ADAMTS9: variants seen among roughly 807,000 people sequenced by gnomAD.
ADAMTS9 encodes the protein A disintegrin and metalloproteinase with thrombospondin motifs 9.
A neutral mutation model predicts 257.1 loss-of-function variants in ADAMTS9; 107 were observed. That is an observed-to-expected ratio of 0.42 (90% CI 0.36 to 0.49). The LOEUF (loss-of-function observed/expected upper bound fraction) is 0.49, where lower values mean the gene tolerates loss of function less well. ADAMTS9 is among the 20% of genes least tolerant of loss of function. ADAMTS9 has a pLI of 0.03. For synonymous variants in ADAMTS9, 982 were observed against 880.9 expected (o/e 1.11, Z -2.03); for missense variants, 2,353 against 2,469.1 (o/e 0.95, Z 1.00).
intron 32 of ADAMTS9, among the ~76,000 whole-genome samples, chr3:64,544,785 G>A (rs938684602): frequency 4.9e-4 from 75 of 152,276 alleles, no homozygotes; most frequent in African/African-American, 1.7e-3. Context: ...AAACTAAAGA[G>A]CTTCTGCACA....
intron 28 of ADAMTS9, among the ~76,000 whole-genome samples, chr3:64,576,485 G>A (rs542248315): frequency 2.0e-5 from 3 of 152,278 alleles, no homozygotes; most frequent in East Asian, 3.9e-4. Flanking sequence ...CAGTGGCAGC[G>A]ACAACCAAAA....
chr3:64,524,686 T>C (rs996147268), intron 38 of ADAMTS9, among the ~76,000 whole-genome samples: 1 of 152,242 alleles, frequency 6.6e-6, no homozygotes, highest in African/African-American at 2.4e-5. Flanking sequence ...AAATATACCA[T>C]TGATTTTGCC....
chr3:64,550,406 CCT>C (rs2083256272), intron 31 of ADAMTS9: 1 of 152,420 alleles, frequency 6.6e-6, no homozygotes, highest in Non-Finnish European at 1.5e-5. Context: ...AGATTTTTAG[CCT>C]CTCTTGAAAA....
chr3:64,613,146 C>T (rs897719377), intron 22 of ADAMTS9, among the ~76,000 whole-genome samples, 199 bp downstream of exon 22: 2 of 152,038 alleles, frequency 1.3e-5, no homozygotes, highest in East Asian at 3.9e-4. Flanking sequence ...GTAATCAGCT[C>T]CAGGAGGGCA....
chr3:64,594,761 A>T (rs77794541), intron 27 of ADAMTS9, among the ~76,000 whole-genome samples: 1,596 of 152,286 alleles, frequency 0.01, 62 homozygotes, highest in East Asian at 0.072. Flanking sequence ...AACTCGATCA[A>T]GTCCAATCTG....
Position 64,594,239 on chromosome 3 carries a change from T to C in ADAMTS9, c.4356+19A>G, listed in dbSNP as rs2084317645. ...AATTAGATAGTTTGGTTAACAAACA[T>C]GAATAGTTAGGGCCGTACCGAGCTC... is the stretch of plus-strand genomic sequence containing the variant. On this transcript the variant is annotated intron_variant, in intron 28 of 39. Coordinates refer to ENST00000498707, the MANE Select transcript of ADAMTS9 (RefSeq NM_182920.2). The C allele has an allele frequency of 6.2e-7, 1 of 1,601,428 alleles. No individual in the cohort carries two copies. Among genetic ancestry groups the C allele is most frequent in the Non-Finnish European group, 8.5e-7 (1 of 1,172,076 alleles).
intron 30 of ADAMTS9, among the ~76,000 whole-genome samples, chr3:64,559,979 G>C (rs1050056329): frequency 1.6e-4 from 24 of 152,172 alleles, no homozygotes; most frequent in Admixed American, 2.6e-4. Context: ...TCACACTGAG[G>C]GGGAGAGCGA....
At chr3:64,682,302 C>T (rs1701778157) in intron 2 of ADAMTS9, among the ~76,000 whole-genome samples, 2 of 152,168 alleles carry the variant, frequency 1.3e-5, no homozygotes, top group South Asian at 4.1e-4. Context: ...TAGCAAAATG[C>T]CTGACACCTT....
At chr3:64,537,315 A>G (rs2083063528) in intron 37 of ADAMTS9, among the ~76,000 whole-genome samples, 1 of 152,240 alleles carries the variant, frequency 6.6e-6, no homozygotes, top group Admixed American at 6.5e-5. Context: ...AAGGATGTGC[A>G]TATAGAAACA....
At chr3:64,589,448 A>T (rs1262941719) in intron 28 of ADAMTS9, 1 of 152,224 alleles carries the variant, frequency 6.6e-6, no homozygotes, top group East Asian at 1.9e-4. Context: ...AGGTCCTATC[A>T]CTGAAGTAGA....
intron 28 of ADAMTS9, chr3:64,587,621 TTCTCA>T (rs916070347): frequency 1.3e-5 from 2 of 152,134 alleles, no homozygotes; most frequent in Non-Finnish European, 2.9e-5. Context: ...CATAAGCTCT[TTCTCA>T]TAAGAGAAAG....
chr3:64,650,717 T>C (rs1313928423), intron 9 of ADAMTS9: 2 of 284,444 alleles, frequency 7.0e-6, no homozygotes, highest in Non-Finnish European at 1.3e-5. Flanking sequence ...ACATTCATAG[T>C]CCCTCTCCCA....
intron 31 of ADAMTS9, among the ~76,000 whole-genome samples, chr3:64,548,418 T>C (rs530726701): frequency 1.3e-5 from 2 of 152,332 alleles, no homozygotes; most frequent in African/African-American, 2.4e-5. Flanking sequence ...GGGTGTTTCA[T>C]GCAGATGGCT....
intron 3 of ADAMTS9, 61 bp downstream of exon 3, chr3:64,681,140 T>A: frequency 6.5e-7 from 1 of 1,543,330 alleles, no homozygotes. Context: ...TACATCTCTG[T>A]AGTATAGCAA....
intron 10 of ADAMTS9, 48 bp from the exon 11 acceptor site, chr3:64,648,092 G>T: frequency 1.3e-6 from 2 of 1,537,096 alleles, no homozygotes; most frequent in Non-Finnish European, 1.8e-6. Context: ...GATTTATTTG[G>T]CAGTATCAAA....
chr3:64,605,305 T>C (rs956834630), intron 23 of ADAMTS9, among the ~76,000 whole-genome samples: 10 of 152,204 alleles, frequency 6.6e-5, no homozygotes, highest in African/African-American at 2.4e-4. Context: ...AGCAGCCAAG[T>C]CCTCAGTTCA....
At position 64,594,421 on chromosome 3, in the gene ADAMTS9, C is replaced by G. The variant is rs1301121855; in HGVS notation, c.4193G>C (p.Cys1398Ser). 6.2e-7 allele frequency: 1 copy of G among 1,613,940 alleles called. No homozygotes were observed. Among genetic ancestry groups the G allele is most frequent in the South Asian group, 1.1e-5 (1 of 91,060 alleles). The change falls in exon 28 of 40, where the codon TGT (cysteine) becomes TCT (serine). Residue 1398 changes from cysteine to serine, a missense_variant. This residue lies in a region of ADAMTS9 where 1,402 missense variants were observed against 1,441.4 expected (regional missense o/e 0.97). Transcript: ENST00000498707. The stretch of plus-strand genomic sequence containing the variant: ...CAGTCTTGTTCTTATGCCTCCACCA[C>G]ACAGCTTAGTGCACTGGAAGAAGGA... ...YGNWGECTKLCGGGIRTRLVV... is the reference protein window; with the variant it reads ...YGNWGECTKLSGGGIRTRLVV...
intron 26 of ADAMTS9, among the ~76,000 whole-genome samples, chr3:64,599,218 C>T (rs1405543922): frequency 1.3e-5 from 2 of 152,204 alleles, no homozygotes; most frequent in African/African-American, 2.4e-5. Flanking sequence ...CATAACCTTT[C>T]TCCAGGTCTA....
chr3:64,638,299 A>G (rs1488519084), intron 12 of ADAMTS9, among the ~76,000 whole-genome samples: 1 of 152,156 alleles, frequency 6.6e-6, no homozygotes, highest in Non-Finnish European at 1.5e-5. Flanking sequence ...TCTGAGCCAA[A>G]TTTTGAGCAC....
Sources: gnomAD v4.1 joint callset for allele counts (sites outside exome capture counted in the v4.1 genomes callset) on GRCh38, gnomAD v4.1.1 for gene constraint, gnomAD v4.1.1 regional missense constraint, MANE v1.5 for transcripts, NCBI Gene and HGNC (gene_info 2026-07-23, HGNC 2026-07-21) for gene names.